Variants in PACSIN2 observed in about 807,000 individuals in gnomAD.
PACSIN2 encodes protein kinase C and casein kinase substrate in neurons protein 2.
Under a neutral mutation model 63.8 loss-of-function variants are expected in PACSIN2, and 25 were observed. The ratio of observed to expected loss-of-function variants is 0.39; its 90% CI spans 0.29 to 0.55. PACSIN2 has a LOEUF of 0.55. Ranked by LOEUF, PACSIN2 falls within the 20% of genes least tolerant of loss-of-function variation. The probability of loss-of-function intolerance (pLI) is 0.62; values close to 1 mark genes in which losing one functional copy is unlikely to be tolerated. For synonymous variants in PACSIN2, 255 were observed against 256.2 expected (o/e 1.00, Z 0.05); for missense variants, 518 against 646.9 (o/e 0.80, Z 2.16).
At chr22:42,876,516 A>AGCCAT (rs57346148) in intron 9 of PACSIN2, among the ~76,000 whole-genome samples, 183 bp from the exon 10 acceptor site, 1,760 of 152,336 alleles carry the variant, frequency 0.012, 32 homozygotes, top group African/African-American at 0.04. Flanking sequence ...TGAGCCATCA[A>AGCCAT]CAGGCTTTCC....
intron 1 of PACSIN2, among the ~76,000 whole-genome samples, chr22:42,958,701 T>C (rs1270125046): frequency 1.3e-5 from 2 of 152,190 alleles, no homozygotes; most frequent in South Asian, 2.1e-4. Context: ...TTAAAAGTAT[T>C]TGAAACACAC....
At chr22:42,987,496 A>ACG (rs1569355141) in intron 1 of PACSIN2, among the ~76,000 whole-genome samples, 18 of 35,292 alleles carry the variant, frequency 5.1e-4, no homozygotes, top group Middle Eastern at 0.014. Flanking sequence ...ACACACACCC[A>ACG]TGGCACCATG....
chr22:42,897,628 G>A (rs955871325), intron 2 of PACSIN2, among the ~76,000 whole-genome samples: 1 of 152,230 alleles, frequency 6.6e-6, no homozygotes, highest in African/African-American at 2.4e-5. Context: ...CAGCATACAT[G>A]TGCCTGGACA....
At chr22:42,918,050 G>C (rs1931929081) in intron 1 of PACSIN2, among the ~76,000 whole-genome samples, 1 of 152,192 alleles carries the variant, frequency 6.6e-6, no homozygotes, top group African/African-American at 2.4e-5. Flanking sequence ...CAGAATCGTG[G>C]TGAGGGTCAA....
Position 42,876,257 on chromosome 22 carries a change from TGGA to T in PACSIN2, c.1225_1227del (p.Ser409del), listed in dbSNP as rs1261405656. On this transcript the variant is annotated inframe_deletion, in exon 10 of 11. Coordinates refer to ENST00000263246, the MANE Select transcript of PACSIN2 (RefSeq NM_001184970.3). ...GGATTCGAGTCCCCATTGGCATCCG[TGGA>T]GGAGAAGGGGTTGTTAGACTCATCG... The T allele has an allele frequency of 3.7e-6, 6 of 1,613,886 alleles. No homozygotes were observed. The highest frequency in any genetic ancestry group is 1.1e-5 in the South Asian group (1 of 91,076).
At chr22:42,993,912 A>G (rs1923221440) in intron 1 of PACSIN2, 1 of 152,224 alleles carries the variant, frequency 6.6e-6, no homozygotes, top group South Asian at 2.1e-4. Flanking sequence ...TATGCAGCTG[A>G]AGAAGGGAAG....
chr22:42,894,892 T>C (rs576548215), intron 2 of PACSIN2, among the ~76,000 whole-genome samples: 2 of 151,724 alleles, frequency 1.3e-5, no homozygotes, highest in African/African-American at 4.8e-5. Flanking sequence ...TTCTAAAATC[T>C]CTTTGCCTGG....
chr22:42,982,634 C>G (rs1302944068), intron 1 of PACSIN2, among the ~76,000 whole-genome samples: 1 of 127,302 alleles, frequency 7.9e-6, no homozygotes, highest in East Asian at 2.3e-4. Context: ...GGATTAAGGG[C>G]GGTGCAAGAT....
intron 1 of PACSIN2, among the ~76,000 whole-genome samples, chr22:43,010,396 A>AT (rs911611355): frequency 1.8e-4 from 11 of 62,680 alleles, no homozygotes; most frequent in African/African-American, 5.8e-4. Flanking sequence ...ATATATATAT[A>AT]TATTTTTTTT....
intron 1 of PACSIN2, among the ~76,000 whole-genome samples, chr22:42,969,073 C>A (rs1254100058): frequency 6.6e-6 from 1 of 152,220 alleles, no homozygotes; most frequent in Non-Finnish European, 1.5e-5. Flanking sequence ...ATCCATCCAC[C>A]CTATTGGCTC....
At chr22:42,905,471 C>T (rs1157371305) in intron 2 of PACSIN2, among the ~76,000 whole-genome samples, 1 of 152,246 alleles carries the variant, frequency 6.6e-6, no homozygotes, top group Admixed American at 6.5e-5. Flanking sequence ...GTGCCGCTGG[C>T]CCAGTGCCCA....
chr22:42,973,585 G>C (rs867395662), intron 1 of PACSIN2, among the ~76,000 whole-genome samples: 1 of 152,242 alleles, frequency 6.6e-6, no homozygotes, highest in African/African-American at 2.4e-5. Context: ...TGCAAAGCTC[G>C]CAAGCAAGCT....
At chr22:43,000,123 T>C (rs1166280880) in intron 1 of PACSIN2, among the ~76,000 whole-genome samples, 1 of 152,318 alleles carries the variant, frequency 6.6e-6, no homozygotes, top group Admixed American at 6.5e-5. Flanking sequence ...CTGCAGGCAC[T>C]TGTAGCCCCA....
At chr22:42,910,450 C>T (rs907041617) in intron 2 of PACSIN2, among the ~76,000 whole-genome samples, 3 of 152,218 alleles carry the variant, frequency 2.0e-5, no homozygotes, top group African/African-American at 7.2e-5. Flanking sequence ...GCCACAGCCT[C>T]TCTGGGGGGG....
intron 10 of PACSIN2, among the ~76,000 whole-genome samples, chr22:42,875,152 CTTT>C (rs34029113): frequency 2.0e-5 from 3 of 146,810 alleles, no homozygotes; most frequent in Non-Finnish European, 3.0e-5. Context: ...GCCCAGCCTA[CTTT>C]TTTTTTTTTT....
intron 1 of PACSIN2, among the ~76,000 whole-genome samples, chr22:43,001,491 G>T (rs1280484779): frequency 2.0e-5 from 3 of 152,236 alleles, no homozygotes; most frequent in South Asian, 2.1e-4. Flanking sequence ...TTTACTGACA[G>T]AAGAAGCAGG....
At chr22:42,966,325 C>T (rs1210613554) in intron 1 of PACSIN2, among the ~76,000 whole-genome samples, 1 of 151,782 alleles carries the variant, frequency 6.6e-6, no homozygotes, top group Non-Finnish European at 1.5e-5. Flanking sequence ...AGATCGTGCC[C>T]CTGCACTCCG....
intron 2 of PACSIN2, among the ~76,000 whole-genome samples, chr22:42,908,517 CT>C (rs1418428075): frequency 6.6e-6 from 1 of 152,228 alleles, no homozygotes; most frequent in Non-Finnish European, 1.5e-5. Context: ...AGGAGGGCCC[CT>C]GGGCTCCTGC....
At chr22:42,971,533 T>C (rs1482405338) in intron 1 of PACSIN2, among the ~76,000 whole-genome samples, 1 of 152,018 alleles carries the variant, frequency 6.6e-6, no homozygotes, top group Non-Finnish European at 1.5e-5. Context: ...GGAGCGTCTC[T>C]GCCTGGCAGC....
Sources: gnomAD v4.1 joint callset for allele counts (sites outside exome capture counted in the v4.1 genomes callset) on GRCh38, gnomAD v4.1.1 for gene constraint, MANE v1.5 for transcripts, NCBI Gene and HGNC (gene_info 2026-07-23, HGNC 2026-07-21) for gene names.